Variants in FMN2 observed in about 807,000 individuals in gnomAD.
FMN2 encodes formin-2.
FMN2 carries 51 observed loss-of-function variants against 142.3 expected under a neutral mutation model. That is an observed-to-expected ratio of 0.36 (90% CI 0.29 to 0.45). The LOEUF is 0.45. FMN2 is among the 20% of genes least tolerant of loss of function. The pLI, the probability that FMN2 is intolerant of heterozygous loss-of-function variation, is 1.00. For synonymous variants in FMN2, 882 were observed against 869.8 expected (o/e 1.01, Z -0.25); for missense variants, 1,936 against 2,122.8 (o/e 0.91, Z 1.73).
intron 1 of FMN2, among the ~76,000 whole-genome samples, chr1:240,094,183 C>T (rs978357466): frequency 2.0e-5 from 3 of 152,192 alleles, no homozygotes; most frequent in African/African-American, 7.2e-5. Context: ...GATCCAAAGG[C>T]AGTCTCTGAC....
intron 2 of FMN2, among the ~76,000 whole-genome samples, chr1:240,168,377 A>T (rs1259894333): frequency 6.6e-6 from 1 of 152,102 alleles, no homozygotes; most frequent in Non-Finnish European, 1.5e-5. Context: ...ACTTGAGCTC[A>T]AGAGTTTGAG....
chr1:240,275,022 G>A (rs1200670980), intron 7 of FMN2, among the ~76,000 whole-genome samples: 1 of 151,686 alleles, frequency 6.6e-6, no homozygotes, highest in Non-Finnish European at 1.5e-5. Flanking sequence ...TGAACCTGGT[G>A]GTATACCTAT....
chr1:240,369,747 C>G (rs1672802557), intron 14 of FMN2, among the ~76,000 whole-genome samples: 1 of 152,188 alleles, frequency 6.6e-6, no homozygotes, highest in Non-Finnish European at 1.5e-5. Context: ...TGTTTCTAAT[C>G]TAAATTTTCC....
At chr1:240,447,069 C>T (rs373503776) in intron 16 of FMN2, among the ~76,000 whole-genome samples, 10 of 152,290 alleles carry the variant, frequency 6.6e-5, no homozygotes, top group Middle Eastern at 3.4e-3. Flanking sequence ...TCGATCCCTA[C>T]GGCAGGGTTG....
chr1:240,251,007 C>T (rs1479777456), intron 6 of FMN2, among the ~76,000 whole-genome samples: 2 of 151,764 alleles, frequency 1.3e-5, no homozygotes, highest in African/African-American at 4.8e-5. Flanking sequence ...AGCAGTTTAT[C>T]AATTTTGTTT....
chr1:240,237,224 C>T (rs1382851184), intron 6 of FMN2, among the ~76,000 whole-genome samples: 3 of 152,032 alleles, frequency 2.0e-5, no homozygotes, highest in African/African-American at 7.2e-5. Context: ...GCTGACTGTC[C>T]CTGTTGATGG....
rs1670401630 is a variant in FMN2, at chr1:240,306,329, C to CAT, written c.4215+11449_4215+11450dup. Among the ~76,000 whole-genome samples, 4 of 152,018 alleles carry CAT rather than the reference C, an allele frequency of 2.6e-5. No homozygotes were observed. The South Asian group carries it at 8.3e-4, about 32-fold the overall frequency. On this transcript the variant is annotated intron_variant, in intron 8 of 17. Coordinates refer to ENST00000319653, the MANE Select transcript of FMN2 (RefSeq NM_020066.5). ...TACATGTGCAGGTTTGTTACAAGGG[C>CAT]ATATTGAGTGGGGCTGAGGTTTGGG...
chr1:240,356,443 A>T (rs993593379), intron 14 of FMN2, among the ~76,000 whole-genome samples: 1 of 152,186 alleles, frequency 6.6e-6, no homozygotes, highest in African/African-American at 2.4e-5. Context: ...TAAAAACATT[A>T]TAAATATTAT....
chr1:240,301,105 ATTC>A (rs1670183502), intron 8 of FMN2, among the ~76,000 whole-genome samples: 1 of 149,082 alleles, frequency 6.7e-6, no homozygotes, highest in South Asian at 2.1e-4. Flanking sequence ...TGTCCCTCTA[ATTC>A]TTCTTTCCTA....
chr1:240,189,238 T>G (rs1316496799), intron 4 of FMN2, among the ~76,000 whole-genome samples: 2 of 151,950 alleles, frequency 1.3e-5, no homozygotes, highest in African/African-American at 2.4e-5. Context: ...GCAATTGCTC[T>G]TTTGGATATA....
intron 13 of FMN2, among the ~76,000 whole-genome samples, chr1:240,334,944 A>G (rs1671510771): frequency 2.0e-5 from 3 of 152,088 alleles, no homozygotes; most frequent in African/African-American, 7.2e-5. Context: ...TTTTGATTTG[A>G]TATTGTGTTA....
intron 2 of FMN2, among the ~76,000 whole-genome samples, chr1:240,127,778 C>T (rs1474429809): frequency 6.6e-6 from 1 of 152,150 alleles, no homozygotes; most frequent in South Asian, 2.1e-4. Context: ...CCATGCCCGG[C>T]CCCCAGCCTG....
At chr1:240,223,960 G>A (rs1022524047) in intron 6 of FMN2, among the ~76,000 whole-genome samples, 1 of 151,794 alleles carries the variant, frequency 6.6e-6, no homozygotes, top group Non-Finnish European at 1.5e-5. Context: ...TTTTTTGAAG[G>A]GCTTTCCATG....
At chr1:240,147,510 A>G (rs562030294) in intron 2 of FMN2, among the ~76,000 whole-genome samples, 1 of 152,034 alleles carries the variant, frequency 6.6e-6, no homozygotes, top group East Asian at 1.9e-4. Context: ...TTTCTTTTTA[A>G]AAGATAGGAT....
intron 6 of FMN2, among the ~76,000 whole-genome samples, chr1:240,227,591 C>G (rs1015671909): frequency 6.6e-6 from 1 of 152,114 alleles, no homozygotes; most frequent in African/African-American, 2.4e-5. Flanking sequence ...TACTGGCATA[C>G]TAATACACAT....
intron 16 of FMN2, among the ~76,000 whole-genome samples, chr1:240,470,164 A>G (rs1332561004): frequency 6.6e-6 from 1 of 151,692 alleles, no homozygotes; most frequent in African/African-American, 2.4e-5. Flanking sequence ...AAAAAGCTCC[A>G]AGTAAATTTA....
intron 8 of FMN2, among the ~76,000 whole-genome samples, chr1:240,324,840 TGTG>T (rs1395744623): frequency 6.6e-6 from 1 of 152,136 alleles, no homozygotes; most frequent in Non-Finnish European, 1.5e-5. Flanking sequence ...ACGTTATAGT[TGTG>T]GGGGTATTTA....
At chr1:240,100,963 C>T (rs1558295217) in intron 1 of FMN2, among the ~76,000 whole-genome samples, 1 of 152,184 alleles carries the variant, frequency 6.6e-6, no homozygotes, top group Middle Eastern at 3.4e-3. Context: ...TGTTGTAGTA[C>T]CTGGTGATAG....
At chr1:240,103,787 G>T (rs1307967520) in intron 1 of FMN2, among the ~76,000 whole-genome samples, 1 of 152,088 alleles carries the variant, frequency 6.6e-6, no homozygotes, top group Admixed American at 6.5e-5. Context: ...ATGGGTTCCG[G>T]TATAGAAACA....
Sources: gnomAD v4.1 joint callset for allele counts (sites outside exome capture counted in the v4.1 genomes callset) on GRCh38, gnomAD v4.1.1 for gene constraint, MANE v1.5 for transcripts, NCBI Gene and HGNC (gene_info 2026-07-23, HGNC 2026-07-21) for gene names.